Variants in ANKRD6 observed in about 807,000 individuals in gnomAD.
ANKRD6 encodes ankyrin repeat domain-containing protein 6.
Under a neutral mutation model 82.3 loss-of-function variants are expected in ANKRD6, and 56 were observed. The observed-to-expected ratio is 0.68, with a 90% confidence interval of 0.55 to 0.85. ANKRD6 has a LOEUF of 0.85. Ranked by LOEUF, ANKRD6 falls within the 40% of genes least tolerant of loss-of-function variation. The pLI, the probability that ANKRD6 is intolerant of heterozygous loss-of-function variation, is 0.00. For missense variants in ANKRD6, 852 were observed against 907.6 expected (o/e 0.94, Z 0.79); for synonymous variants, 347 against 352.1 (o/e 0.99, Z 0.16).
At chr6:89,583,600 C>T (rs570911412) in intron 2 of ANKRD6, among the ~76,000 whole-genome samples, 11 of 152,184 alleles carry the variant, frequency 7.2e-5, no homozygotes, top group Admixed American at 3.3e-4. Context: ...AGGTCAGACA[C>T]GCTGTAATTG....
chr6:89,567,303 C>G (rs1583327793), intron 2 of ANKRD6, among the ~76,000 whole-genome samples: 1 of 152,336 alleles, frequency 6.6e-6, no homozygotes, highest in East Asian at 1.9e-4. Context: ...ATTTGACAGT[C>G]TTTAAAATCA....
chr6:89,498,172 T>A (rs1055613908), intron 1 of ANKRD6, among the ~76,000 whole-genome samples: 6 of 152,316 alleles, frequency 3.9e-5, no homozygotes, highest in African/African-American at 1.4e-4. Flanking sequence ...GAAGCCATGG[T>A]CAGTCTTACT....
intron 1 of ANKRD6, among the ~76,000 whole-genome samples, chr6:89,538,618 A>T (rs1784128194): frequency 6.6e-6 from 1 of 152,230 alleles, no homozygotes; most frequent in Non-Finnish European, 1.5e-5. Flanking sequence ...TTATTTAGAT[A>T]AAAGCTAATC....
intron 7 of ANKRD6, 163 bp from the exon 8 acceptor site, chr6:89,616,396 C>T: frequency 1.6e-6 from 1 of 617,312 alleles, no homozygotes. Context: ...GTTCCAAGAC[C>T]TCTTTAAGTA....
chr6:89,527,960 C>T (rs1184420666), intron 1 of ANKRD6, among the ~76,000 whole-genome samples: 2 of 152,180 alleles, frequency 1.3e-5, no homozygotes, highest in African/African-American at 2.4e-5. Flanking sequence ...TAGGCACACA[C>T]CACAATGCCT....
At chr6:89,478,622 C>T (rs1302454640) in intron 1 of ANKRD6, among the ~76,000 whole-genome samples, 2 of 134,486 alleles carry the variant, frequency 1.5e-5, no homozygotes, top group African/African-American at 2.8e-5. Context: ...TAATCCCAGC[C>T]GGGGTGAGGA....
intron 1 of ANKRD6, among the ~76,000 whole-genome samples, chr6:89,550,142 C>T (rs187524374): frequency 5.2e-4 from 79 of 152,116 alleles, no homozygotes; most frequent in Non-Finnish European, 1.0e-3. Context: ...CATATGTATG[C>T]ATACCTATGA....
At chr6:89,521,669 C>T (rs1310294523) in intron 1 of ANKRD6, among the ~76,000 whole-genome samples, 3 of 152,080 alleles carry the variant, frequency 2.0e-5, no homozygotes, top group South Asian at 2.1e-4. Flanking sequence ...TAGATTAGGG[C>T]AGAGAATAGG....
intron 1 of ANKRD6, among the ~76,000 whole-genome samples, chr6:89,474,035 C>G (rs1415494421): frequency 1.3e-5 from 2 of 152,126 alleles, no homozygotes; most frequent in African/African-American, 4.8e-5. Context: ...GAAAGAGAAA[C>G]AGGTGGCAGT....
intron 9 of ANKRD6, chr6:89,621,474 G>T: frequency 5.8e-6 from 1 of 173,416 alleles, no homozygotes; most frequent in Non-Finnish European, 1.3e-5. Context: ...ACACAGTTTG[G>T]CCAAGGGAAC....
intron 1 of ANKRD6, among the ~76,000 whole-genome samples, chr6:89,556,866 G>A (rs1219547280): frequency 6.6e-6 from 1 of 152,226 alleles, no homozygotes. Flanking sequence ...AACAGACTCA[G>A]AGTCATTAAG....
chr6:89,545,404 C>T (rs767797966), intron 1 of ANKRD6, among the ~76,000 whole-genome samples: 53 of 152,110 alleles, frequency 3.5e-4, no homozygotes, highest in Non-Finnish European at 7.1e-4. Flanking sequence ...GGTAGTCCCA[C>T]TCTTTGGTGT....
At chr6:89,547,872 G>A (rs66466238) in intron 1 of ANKRD6, among the ~76,000 whole-genome samples, 36,805 of 151,706 alleles carry the variant, frequency 0.24, 4,625 homozygotes, top group South Asian at 0.47. Flanking sequence ...ACCTTCTTTG[G>A]TTCTCACAGT....
rs561126578 is a variant in ANKRD6, at chr6:89,538,123, A to G, written c.-143-28711A>G. ...ATTTAGTACTTACTTACATTTTTTT[A>G]ATTGTCACATAACATTTTAAGTTTT... On this transcript the variant is annotated intron_variant, in intron 1 of 15. Transcript: ENST00000339746. Among the ~76,000 whole-genome samples, 9 of 152,302 alleles carry G rather than the reference A, an allele frequency of 5.9e-5. No individual in the cohort carries two copies. In the South Asian group the frequency reaches 1.9e-3, roughly 32 times the overall value.
chr6:89,538,001 C>G (rs1223683005), intron 1 of ANKRD6, among the ~76,000 whole-genome samples: 1 of 152,090 alleles, frequency 6.6e-6, no homozygotes, highest in Non-Finnish European at 1.5e-5. Flanking sequence ...TCATTTCATC[C>G]TCAACTACAG....
intron 1 of ANKRD6, among the ~76,000 whole-genome samples, chr6:89,513,366 C>A (rs533957987): frequency 1.3e-5 from 2 of 152,308 alleles, no homozygotes; most frequent in Admixed American, 6.5e-5. Context: ...CAGTATCCCC[C>A]CTCCCAATCC....
At chr6:89,558,414 A>G (rs1282011635) in intron 1 of ANKRD6, among the ~76,000 whole-genome samples, 1 of 152,246 alleles carries the variant, frequency 6.6e-6, no homozygotes, top group African/African-American at 2.4e-5. Context: ...GAAATGAGCC[A>G]TGAAAAGGCA....
intron 1 of ANKRD6, among the ~76,000 whole-genome samples, chr6:89,465,216 T>C (rs1774704262): frequency 6.7e-6 from 1 of 149,902 alleles, no homozygotes; most frequent in Non-Finnish European, 1.5e-5. Flanking sequence ...GCCTCCTGGG[T>C]TCAAGTAATT....
intron 1 of ANKRD6, among the ~76,000 whole-genome samples, chr6:89,547,511 C>T (rs1323375296): frequency 1.3e-5 from 2 of 152,142 alleles, no homozygotes; most frequent in East Asian, 3.9e-4. Flanking sequence ...GGCAGCCTGC[C>T]CTGCTCAGCT....
Sources: allele counts gnomAD v4.1 joint callset (sites outside exome capture counted in the v4.1 genomes callset), GRCh38; gene constraint gnomAD v4.1.1; transcripts MANE v1.5; gene names NCBI Gene and HGNC (gene_info 2026-07-23, HGNC 2026-07-21).